Variants in CDK14 observed in about 807,000 individuals in gnomAD.
CDK14 encodes cyclin dependent kinase 14.
CDK14 carries 34 observed loss-of-function variants against 60.7 expected under a neutral mutation model. That is an observed-to-expected ratio of 0.56 (90% CI 0.43 to 0.75). The LOEUF (loss-of-function observed/expected upper bound fraction) is 0.75. Ranked by LOEUF, CDK14 falls within the 30% of genes least tolerant of loss-of-function variation. The pLI, the probability that CDK14 is intolerant of heterozygous loss-of-function variation, is 0.00. For missense variants in CDK14, 482 were observed against 564.1 expected, an observed-to-expected ratio of 0.85 and a Z score of 1.47; for synonymous variants, 197 against 203.7, an observed-to-expected ratio of 0.97 and a Z score of 0.28.
intron 9 of CDK14, among the ~76,000 whole-genome samples, chr7:90,971,653 T>TAA (rs35135401): frequency 0.18 from 21,570 of 119,174 alleles, 1,961 homozygotes; most frequent in South Asian, 0.25. Context: ...ATATACATAG[T>TAA]AAAAAAAAAA....
Position 90,982,573 on chromosome 7 carries a change from C to G in CDK14, c.948-1575C>G, listed in dbSNP as rs141289063. On this transcript the variant is annotated intron_variant, in intron 9 of 14. Transcript: ENST00000380050. ...AAGAGGATTGAGAACCACTGAATGT[C>G]TAGAGACTACAATACTTTATAAGTT... Among the ~76,000 whole-genome samples, 813 of 152,220 alleles carry G rather than the reference C, an allele frequency of 5.3e-3. 7 individuals carry two copies. The highest frequency in any genetic ancestry group is 0.018 in the African/African-American group (728 of 41,512).
chr7:91,029,843 C>G (rs1402199396), intron 10 of CDK14, among the ~76,000 whole-genome samples: 1 of 141,404 alleles, frequency 7.1e-6, no homozygotes, highest in East Asian at 2.0e-4. Flanking sequence ...AGGTACAAGA[C>G]CATATCATTG....
rs1799187681 is a variant in CDK14 at position 90,596,480 on chromosome 7, G to C, written c.-148G>C. 1.6e-5 allele frequency: 9 copies of C among 576,922 alleles called. No individual in the cohort carries two copies. The highest frequency in any genetic ancestry group is 2.7e-5 in the Non-Finnish European group (9 of 329,922). 35.7% of individuals were successfully genotyped at this position (576,922 alleles called of 1,614,324 possible). On this transcript the variant is annotated 5_prime_UTR_variant, in exon 1 of 15. Transcript: ENST00000380050. ...GCCGTCCTCCGCCTGCCTGCTGCTC[G>C]CCTCCCTAGACCTGCGCGTCGCTTC... is the stretch of plus-strand genomic sequence containing the variant.
At chr7:90,645,780 T>C (rs926532675) in intron 2 of CDK14, among the ~76,000 whole-genome samples, 13 of 152,342 alleles carry the variant, frequency 8.5e-5, no homozygotes, top group Admixed American at 7.2e-4. Flanking sequence ...CAAAAGATTT[T>C]CCATCTTTAA....
chr7:90,676,925 G>A (rs1801212142), intron 2 of CDK14, among the ~76,000 whole-genome samples: 1 of 148,668 alleles, frequency 6.7e-6, no homozygotes, highest in South Asian at 2.1e-4. Flanking sequence ...CTTTCTACAT[G>A]TTTATTCAGT....
At chr7:90,831,872 G>A (rs1320957201) in intron 5 of CDK14, among the ~76,000 whole-genome samples, 1 of 151,894 alleles carries the variant, frequency 6.6e-6, no homozygotes, top group African/African-American at 2.4e-5. Context: ...AATATTCTTA[G>A]CCACACTGGT....
chr7:90,836,419 G>A (rs1448898939), intron 5 of CDK14, among the ~76,000 whole-genome samples: 1 of 151,836 alleles, frequency 6.6e-6, no homozygotes, highest in Non-Finnish European at 1.5e-5. Flanking sequence ...CAGTAGCCTT[G>A]GATTCATGGG....
At chr7:90,671,000 A>T (rs1290941858) in intron 2 of CDK14, among the ~76,000 whole-genome samples, 1 of 152,168 alleles carries the variant, frequency 6.6e-6, no homozygotes, top group African/African-American at 2.4e-5. Context: ...AGGAAAAAAA[A>T]TAAAGAATAG....
intron 12 of CDK14, among the ~76,000 whole-genome samples, chr7:91,095,733 A>AT (rs997583899): frequency 2.0e-5 from 3 of 152,088 alleles, no homozygotes; most frequent in Non-Finnish European, 4.4e-5. Flanking sequence ...ATTAATAAAA[A>AT]ATATATATAC....
chr7:91,124,472 A>T (rs1584095395), intron 14 of CDK14, among the ~76,000 whole-genome samples: 2 of 150,474 alleles, frequency 1.3e-5, no homozygotes, highest in Admixed American at 1.3e-4. Context: ...GTGATTTTTT[A>T]AAATAAAAAT....
intron 2 of CDK14, among the ~76,000 whole-genome samples, chr7:90,684,992 T>G (rs1801402330): frequency 6.6e-6 from 1 of 151,844 alleles, no homozygotes; most frequent in Non-Finnish European, 1.5e-5. Context: ...GCATAGATTT[T>G]TTTTTTTTCA....
intron 2 of CDK14, among the ~76,000 whole-genome samples, chr7:90,647,614 T>C (rs780786954): frequency 3.3e-5 from 5 of 152,128 alleles, no homozygotes; most frequent in Admixed American, 6.6e-5. Context: ...CTCTTTTGGC[T>C]TTAGTTGACA....
At chr7:90,985,477 T>C (rs1025113249) in intron 10 of CDK14, among the ~76,000 whole-genome samples, 19 of 152,194 alleles carry the variant, frequency 1.2e-4, no homozygotes, top group Non-Finnish European at 2.2e-4. Context: ...TTATGCCAGA[T>C]ATTCAGTAGA....
chr7:90,940,193 G>A (rs1793875249), intron 8 of CDK14, among the ~76,000 whole-genome samples: 1 of 152,066 alleles, frequency 6.6e-6, no homozygotes, highest in South Asian at 2.1e-4. Context: ...TTCCCCACAG[G>A]CAGTTGCCTT....
rs146954700 is a variant in CDK14 at position 90,673,567 on chromosome 7, A to G, written c.124-53000A>G. 6.7e-3 allele frequency among the ~76,000 whole-genome samples: 1,016 copies of G among 151,014 alleles called. 9 individuals carry two copies. The highest frequency in any genetic ancestry group is 0.022 in the African/African-American group (932 of 41,510). ...TTAAAATTGGTTAAGTCTATTAAGC[A>G]ATTTAAAATTGGTTAAGTCTATTGC... On this transcript the variant is annotated intron_variant, in intron 2 of 14. Transcript: ENST00000380050.
chr7:91,157,399 T>C (rs1488156459), intron 14 of CDK14, among the ~76,000 whole-genome samples: 1 of 152,202 alleles, frequency 6.6e-6, no homozygotes, highest in African/African-American at 2.4e-5. Flanking sequence ...CATGGACAAG[T>C]GACTGAATCT....
intron 14 of CDK14, among the ~76,000 whole-genome samples, chr7:91,176,156 C>T (rs1372505417): frequency 6.6e-6 from 1 of 151,816 alleles, no homozygotes; most frequent in East Asian, 1.9e-4. Context: ...TTAAGAATCT[C>T]ACTCAAAACT....
At chr7:90,809,739 G>A (rs1269790310) in intron 5 of CDK14, among the ~76,000 whole-genome samples, 1 of 152,100 alleles carries the variant, frequency 6.6e-6, no homozygotes, top group Non-Finnish European at 1.5e-5. Flanking sequence ...TAATAAAGAA[G>A]AAAAGAGAGA....
chr7:91,059,371 A>AT (rs1367443350), intron 11 of CDK14, among the ~76,000 whole-genome samples: 3 of 151,818 alleles, frequency 2.0e-5, no homozygotes, highest in African/African-American at 2.4e-5. Context: ...GGATTCATTG[A>AT]TTTTTTGAAG....
Sources: gnomAD v4.1 joint callset for allele counts (sites outside exome capture counted in the v4.1 genomes callset) on GRCh38, gnomAD v4.1.1 for gene constraint, MANE v1.5 for transcripts, NCBI Gene and HGNC (gene_info 2026-07-23, HGNC 2026-07-21) for gene names.